The following DLG2 variants were observed in gnomAD, a reference collection of about 807,000 sequenced individuals.
DLG2 encodes disks large homolog 2.
Under a neutral mutation model 132.5 loss-of-function variants are expected in DLG2, and 45 were observed. The ratio of observed to expected loss-of-function variants is 0.34; its 90% CI spans 0.27 to 0.44. The LOEUF (loss-of-function observed/expected upper bound fraction) is 0.44, where lower values mean the gene tolerates loss of function less well. Among genes scored for constraint, DLG2 ranks in the 20% least tolerant of loss-of-function variants. The pLI is 1.00. For missense variants in DLG2, 1,045 were observed against 1,196.9 expected, an observed-to-expected ratio of 0.87 and a Z score of 1.87; for synonymous variants, 424 against 419.6, an observed-to-expected ratio of 1.01 and a Z score of -0.13.
intron 21 of DLG2, 42 bp downstream of exon 21, chr11:83,532,665 TG>T (rs1208806886): frequency 1.9e-6 from 3 of 1,565,126 alleles, no homozygotes; most frequent in Non-Finnish European, 2.6e-6. Flanking sequence ...GTTAAATCCA[TG>T]GCAACTGAGA....
rs576822974 is a variant in DLG2 at position 84,543,927 on chromosome 11, G to A, written c.358-9196C>T. Among the ~76,000 whole-genome samples the A allele has an allele frequency of 2.0e-5, 3 of 152,302 alleles. No homozygotes were observed. The South Asian group carries it at 6.2e-4, about 32-fold the overall frequency. On this transcript the variant is annotated intron_variant, in intron 6 of 27. Transcript: ENST00000376104. ...ACAAATCAGCTGTCTGCTTGCAGCT[G>A]ACAGAGCTTTGTGTGCTTCCAAGCA...
intron 3 of DLG2, among the ~76,000 whole-genome samples, chr11:85,501,972 T>C (rs1434244410): frequency 1.3e-5 from 2 of 152,154 alleles, no homozygotes; most frequent in Non-Finnish European, 2.9e-5. Flanking sequence ...TGTACACGTA[T>C]GTTTATTGTG....
chr11:84,001,157 G>T (rs576754370), intron 11 of DLG2, among the ~76,000 whole-genome samples: 7 of 151,886 alleles, frequency 4.6e-5, no homozygotes, highest in South Asian at 2.1e-4. Flanking sequence ...TGGCTGAAAG[G>T]TTACAAAAAC....
At chr11:83,776,770 C>T (rs2094598349) in intron 18 of DLG2, among the ~76,000 whole-genome samples, 1 of 152,152 alleles carries the variant, frequency 6.6e-6, no homozygotes, top group Admixed American at 6.5e-5. Context: ...ACTCTTCCTC[C>T]TTTTTCTGCT....
At chr11:84,904,455 T>C (rs1385007454) in intron 6 of DLG2, among the ~76,000 whole-genome samples, 1 of 152,214 alleles carries the variant, frequency 6.6e-6, no homozygotes, top group African/African-American at 2.4e-5. Flanking sequence ...GTTTACTTTT[T>C]CAGATCTTAT....
chr11:84,854,633 G>C (rs772054759), intron 6 of DLG2, among the ~76,000 whole-genome samples: 6 of 152,006 alleles, frequency 3.9e-5, no homozygotes, highest in Non-Finnish European at 7.4e-5. Context: ...ATTCCAGTGA[G>C]AGCCATTTTG....
chr11:84,220,560 T>A (rs78182948), intron 8 of DLG2, among the ~76,000 whole-genome samples: 1 of 152,182 alleles, frequency 6.6e-6, no homozygotes, highest in Non-Finnish European at 1.5e-5. Flanking sequence ...AATGCTATTC[T>A]ATAATTTTAT....
intron 10 of DLG2, among the ~76,000 whole-genome samples, chr11:84,094,174 G>A (rs2097135826): frequency 6.6e-6 from 1 of 152,000 alleles, no homozygotes; most frequent in South Asian, 2.1e-4. Flanking sequence ...ATATTTACTA[G>A]CAGTACAAAC....
chr11:85,111,787 T>C, intron 5 of DLG2, 52 bp from the exon 6 acceptor site: 1 of 1,315,964 alleles, frequency 7.6e-7, no homozygotes, highest in Non-Finnish European at 1.1e-6. Flanking sequence ...GGCCAGTATG[T>C]ATATATGCTA....
chr11:84,640,346 A>G, intron 6 of DLG2: 1 of 347,680 alleles, frequency 2.9e-6, no homozygotes, highest in Non-Finnish European at 5.5e-6. Context: ...TCTTGGATGA[A>G]AAATAAATCC....
intron 6 of DLG2, among the ~76,000 whole-genome samples, chr11:84,797,610 G>A (rs1434511390): frequency 6.6e-6 from 1 of 152,098 alleles, no homozygotes; most frequent in Non-Finnish European, 1.5e-5. Flanking sequence ...TTGTCTAATA[G>A]GATTGTGAAT....
At chr11:85,136,143 G>A (rs1221374272) in intron 5 of DLG2, among the ~76,000 whole-genome samples, 1 of 152,138 alleles carries the variant, frequency 6.6e-6, no homozygotes, top group African/African-American at 2.4e-5. Flanking sequence ...TTTACAGCAA[G>A]CATTTTACAA....
At chr11:83,917,867 G>A (rs558077342) in intron 15 of DLG2, among the ~76,000 whole-genome samples, 8 of 152,286 alleles carry the variant, frequency 5.3e-5, no homozygotes, top group African/African-American at 1.9e-4. Flanking sequence ...TATTACTAGA[G>A]TTACACAGTT....
At chr11:83,790,115 GC>G in intron 17 of DLG2, 1 of 930,896 alleles carries the variant, frequency 1.1e-6, no homozygotes, top group Non-Finnish European at 1.6e-6. Context: ...CACTGGCTTG[GC>G]CAGTCTGACA....
intron 6 of DLG2, among the ~76,000 whole-genome samples, chr11:85,106,948 A>G (rs1283243339): frequency 6.6e-6 from 1 of 152,074 alleles, no homozygotes; most frequent in Non-Finnish European, 1.5e-5. Flanking sequence ...ATGTGTTGCC[A>G]AGTATAATTA....
intron 15 of DLG2, among the ~76,000 whole-genome samples, chr11:83,894,907 GCCTGGCTT>G (rs2071114112): frequency 6.6e-6 from 1 of 151,964 alleles, no homozygotes; most frequent in Non-Finnish European, 1.5e-5. Flanking sequence ...GCCTTTCTGT[GCCTGGCTT>G]ATTTTATTTA....
intron 19 of DLG2, among the ~76,000 whole-genome samples, chr11:83,582,455 C>A (rs2096997370): frequency 6.6e-6 from 1 of 152,174 alleles, no homozygotes; most frequent in Non-Finnish European, 1.5e-5. Context: ...CTGATCATGT[C>A]CCAGGCATAG....
At chr11:85,462,671 G>T (rs376766777) in intron 3 of DLG2, among the ~76,000 whole-genome samples, 1 of 152,078 alleles carries the variant, frequency 6.6e-6, no homozygotes, top group African/African-American at 2.4e-5. Context: ...GGAGCGGGGA[G>T]GGATAGCATT....
intron 18 of DLG2, among the ~76,000 whole-genome samples, chr11:83,738,286 T>C (rs1256225869): frequency 1.3e-5 from 2 of 152,152 alleles, no homozygotes; most frequent in Non-Finnish European, 2.9e-5. Context: ...TGCTGACATT[T>C]ACCAATTTAG....
Sources: gnomAD v4.1 joint callset for allele counts (sites outside exome capture counted in the v4.1 genomes callset) on GRCh38, gnomAD v4.1.1 for gene constraint, MANE v1.5 for transcripts, NCBI Gene and HGNC (gene_info 2026-07-23, HGNC 2026-07-21) for gene names.